KCTD2: variants seen among roughly 807,000 people sequenced by gnomAD.
KCTD2 encodes the protein potassium channel tetramerization domain containing 2.
In KCTD2, 18 loss-of-function variants were observed where a neutral mutation model predicts 27.9. The observed-to-expected ratio is 0.64, with a 90% CI of 0.45 to 0.96. KCTD2 has a LOEUF of 0.96. Ranked by LOEUF, KCTD2 falls within the 40% of genes least tolerant of loss-of-function variation. The pLI, the probability that KCTD2 is intolerant of heterozygous loss-of-function variation, is 0.00. For missense variants in KCTD2, 280 were observed against 348.0 expected, an observed-to-expected ratio of 0.80 and a Z score of 1.56; for synonymous variants, 175 against 148.4, an observed-to-expected ratio of 1.18 and a Z score of -1.30.
In KCTD2 at chr17:75,063,376, A is replaced by G; in HGVS notation, c.*329A>G. ...TCTGGGGGATGAGGGCGGAAGGCCT[A>G]GCTCCTTGGAAATGGCCTGTACTTT... On this transcript the variant is annotated 3_prime_UTR_variant, in exon 6 of 6. Transcript: ENST00000322444. The G allele has an allele frequency of 2.7e-6, 1 of 367,430 alleles. No homozygotes were observed. Among genetic ancestry groups the G allele is most frequent in the South Asian group, 3.2e-5 (1 of 31,114 alleles). 22.8% of individuals were successfully genotyped at this position (367,430 alleles called of 1,614,324 possible). A position where few individuals can be genotyped will look rare whatever the true frequency, so the allele number is the denominator to read the frequency against.
rs368759395 is a variant in KCTD2, at chr17:75,059,548, G to A, written c.579G>A (p.Gln193=). Residue 193 remains glutamine, a synonymous_variant, in exon 4 of 6, where the codon CAG becomes CAA. Transcript: ENST00000322444. ...ACGTGTACAGAGTCCTGCAGTGTCA[G>A]GAAGAAGAGCTCACGCAGATGGTGT... is the stretch of plus-strand genomic sequence containing the variant. The part of the protein sequence containing the change: ...VKHVYRVLQC[Q]EEELTQMVST... 8.7e-5 allele frequency: 141 copies of A among 1,614,014 alleles called. No homozygotes were observed. The highest frequency in any genetic ancestry group is 1.2e-4 in the Non-Finnish European group (136 of 1,180,010).
upstream of KCTD2, among the ~76,000 whole-genome samples, chr17:75,046,471 T>G (rs146157441): frequency 5.3e-5 from 8 of 152,312 alleles, no homozygotes; most frequent in African/African-American, 1.7e-4. Flanking sequence ...GAATCTTTCT[T>G]GAATGAGTAA....
chr17:75,061,833 G>A (rs1043364502), intron 4 of KCTD2, among the ~76,000 whole-genome samples: 8 of 152,028 alleles, frequency 5.3e-5, no homozygotes, highest in African/African-American at 1.7e-4. Flanking sequence ...TGTGCTCGAC[G>A]GGGCGTGGGC....
chr17:75,051,084 C>T (rs997483639), intron 2 of KCTD2, among the ~76,000 whole-genome samples: 2 of 151,534 alleles, frequency 1.3e-5, no homozygotes, highest in Non-Finnish European at 2.9e-5. Context: ...CGTCATTCTC[C>T]TGCCTCAGCC....
At chr17:75,046,132 GAGTGT>G (rs2073213659), upstream of KCTD2, among the ~76,000 whole-genome samples, 1 of 152,328 alleles carries the variant, frequency 6.6e-6, no homozygotes, top group East Asian at 1.9e-4. Context: ...GCCTGGGCTG[GAGTGT>G]AGTGGCGTGG....
At chr17:75,049,777 C>A (rs1318973172) in intron 2 of KCTD2, among the ~76,000 whole-genome samples, 1 of 152,218 alleles carries the variant, frequency 6.6e-6, no homozygotes, top group Non-Finnish European at 1.5e-5. Flanking sequence ...CCTCATGCTT[C>A]CCTGTAAATG....
upstream of KCTD2, chr17:75,042,352 T>C (rs1223213594): frequency 6.5e-7 from 1 of 1,545,378 alleles, no homozygotes; most frequent in East Asian, 2.3e-5. Context: ...TTCCTATCCC[T>C]TCTTCCTATG....
chr17:75,055,738 A>G (rs1372800850), intron 3 of KCTD2, among the ~76,000 whole-genome samples: 3 of 152,174 alleles, frequency 2.0e-5, no homozygotes, highest in African/African-American at 4.8e-5. Context: ...AGGCTGAGGC[A>G]GGAGAATGGC....
upstream of KCTD2, among the ~76,000 whole-genome samples, chr17:75,044,762 C>T (rs2073196104): frequency 1.3e-5 from 2 of 152,250 alleles, no homozygotes; most frequent in African/African-American, 4.8e-5. Context: ...AGATCAGGGT[C>T]AGATATTAAA....
chr17:75,060,230 A>AG (rs1365032054), intron 4 of KCTD2, among the ~76,000 whole-genome samples: 9 of 151,002 alleles, frequency 6.0e-5, no homozygotes, highest in African/African-American at 2.0e-4. Context: ...GAGTAAATAC[A>AG]ATTTTTTTTT....
intron 3 of KCTD2, among the ~76,000 whole-genome samples, chr17:75,038,607 T>G (rs1318986798): frequency 2.0e-5 from 3 of 152,162 alleles, no homozygotes; most frequent in Non-Finnish European, 4.4e-5. Context: ...AAAGAGGAAG[T>G]TGAAGAGAAT....
intron 2 of KCTD2, among the ~76,000 whole-genome samples, chr17:75,034,355 C>A (rs1598679431): frequency 6.6e-6 from 1 of 152,064 alleles, no homozygotes; most frequent in African/African-American, 2.4e-5. Flanking sequence ...AAGCAGGTAG[C>A]GGGCAGGTGG....
At chr17:75,051,878 A>G (rs1384250771) in intron 2 of KCTD2, among the ~76,000 whole-genome samples, 1 of 152,198 alleles carries the variant, frequency 6.6e-6, no homozygotes, top group Non-Finnish European at 1.5e-5. Flanking sequence ...TTATTCCTAT[A>G]GGATCACACG....
intron 4 of KCTD2, among the ~76,000 whole-genome samples, chr17:75,060,105 C>T (rs568546902): frequency 3.3e-5 from 5 of 152,258 alleles, no homozygotes; most frequent in South Asian, 2.1e-4. Flanking sequence ...CTCGTGCTTA[C>T]GACTGAGCTA....
At chr17:75,058,690 T>G (rs760652840) in intron 3 of KCTD2, among the ~76,000 whole-genome samples, 15 of 151,828 alleles carry the variant, frequency 9.9e-5, no homozygotes, top group Non-Finnish European at 2.1e-4. Context: ...TCCCAGCTAT[T>G]CGGGAGGCTG....
rs1217777133 is a variant in KCTD2 at position 75,063,923 on chromosome 17, C to A, written c.*876C>A. 6.5e-6 allele frequency: 1 copy of A among 152,710 alleles called. No individual in the cohort carries two copies. Among genetic ancestry groups the A allele is most frequent in the Non-Finnish European group, 1.5e-5 (1 of 68,086 alleles). The allele number at this position is 152,710 out of a possible 1,614,324, so 9.5% of individuals were successfully genotyped here. A position where few individuals can be genotyped will look rare whatever the true frequency, so the allele number is the denominator to read the frequency against. ...CCAAAGATGAAGGCACTTATGGACC[C>A]TTTGATGGCTTGGAGTGGGGAAGGC... On this transcript the variant is annotated 3_prime_UTR_variant, in exon 6 of 6. Coordinates refer to ENST00000322444, the MANE Select transcript of KCTD2 (RefSeq NM_015353.3).
intron 1 of KCTD2, among the ~76,000 whole-genome samples, chr17:75,047,854 A>G (rs2073243417): frequency 6.6e-6 from 1 of 151,062 alleles, no homozygotes; most frequent in Admixed American, 6.6e-5. Context: ...ACCTGCACCC[A>G]CGAGAACGCA....
At chr17:75,039,600 T>C (rs1283020253) in intron 3 of KCTD2, 1 of 328,112 alleles carries the variant, frequency 3.0e-6, no homozygotes, top group Non-Finnish European at 5.6e-6. Context: ...GCCAGACTTC[T>C]CTCTGGTGGA....
intron 1 of KCTD2, among the ~76,000 whole-genome samples, chr17:75,047,871 A>C (rs557409734): frequency 6.6e-6 from 1 of 150,734 alleles, no homozygotes; most frequent in Non-Finnish European, 1.5e-5. Flanking sequence ...CGCACTCCAC[A>C]CCCCTTCTCC....
Sources: allele counts gnomAD v4.1 joint callset (sites outside exome capture counted in the v4.1 genomes callset), GRCh38; gene constraint gnomAD v4.1.1; transcripts MANE v1.5; gene names NCBI Gene and HGNC (gene_info 2026-07-23, HGNC 2026-07-21).